The following PTPRD variants were observed in gnomAD, a reference collection of about 807,000 sequenced individuals.
PTPRD encodes receptor-type tyrosine-protein phosphatase delta.
A neutral mutation model predicts 214.5 loss-of-function variants in PTPRD; 34 were observed. The ratio of observed to expected loss-of-function variants is 0.16; its 90% CI spans 0.12 to 0.21. The LOEUF (loss-of-function observed/expected upper bound fraction) is 0.21, where lower values mean the gene tolerates loss of function less well. Ranked by LOEUF, PTPRD falls within the 10% of genes least tolerant of loss-of-function variation. The pLI is 1.00. For synonymous variants in PTPRD, 1,128 were observed against 845.7 expected (o/e 1.33, Z -5.79); for missense variants, 2,545 against 2,398.7 (o/e 1.06, Z -1.27).
intron 3 of PTPRD, among the ~76,000 whole-genome samples, chr9:10,043,517 G>A (rs530301964): frequency 3.3e-5 from 5 of 151,888 alleles, no homozygotes; most frequent in Admixed American, 1.3e-4. Context: ...ATGGGATTCA[G>A]AGGTAAATTT....
chr9:9,095,577 G>A (rs1032696254), intron 10 of PTPRD, among the ~76,000 whole-genome samples: 2 of 152,092 alleles, frequency 1.3e-5, no homozygotes, highest in African/African-American at 4.8e-5. Context: ...TAATCCTCCT[G>A]CCTCAGTCAC....
At chr9:8,720,967 G>A (rs914090895) in intron 12 of PTPRD, among the ~76,000 whole-genome samples, 1 of 151,496 alleles carries the variant, frequency 6.6e-6, no homozygotes, top group Non-Finnish European at 1.5e-5. Context: ...AATCATGAGT[G>A]TGTGTTTTAG....
intron 7 of PTPRD, among the ~76,000 whole-genome samples, chr9:9,629,238 G>GTATATATATATATATATATATATATA (rs113482595): frequency 7.1e-6 from 1 of 140,396 alleles, no homozygotes; most frequent in African/African-American, 2.8e-5. Context: ...GTGTGTGTGT[G>GTATATATATATATATATATATATATA]TATATATATA....
chr9:9,735,708 G>A (rs2098280496), intron 6 of PTPRD, among the ~76,000 whole-genome samples: 1 of 152,046 alleles, frequency 6.6e-6, no homozygotes, highest in African/African-American at 2.4e-5. Context: ...CATATTATTA[G>A]AGACCTTACT....
intron 7 of PTPRD, among the ~76,000 whole-genome samples, chr9:9,705,018 T>C (rs1184955287): frequency 4.6e-5 from 7 of 152,198 alleles, no homozygotes; most frequent in African/African-American, 1.7e-4. Context: ...TTAATGAAGT[T>C]ACATGTTTTT....
intron 10 of PTPRD, among the ~76,000 whole-genome samples, chr9:9,058,479 C>T (rs1295310981): frequency 6.0e-5 from 2 of 33,498 alleles, no homozygotes; most frequent in Non-Finnish European, 1.1e-4. Flanking sequence ...GAGACGGAGT[C>T]TCGCTGTCGC....
intron 2 of PTPRD, among the ~76,000 whole-genome samples, chr9:10,396,820 AG>A (rs1237251904): frequency 6.6e-6 from 1 of 151,978 alleles, no homozygotes; most frequent in Non-Finnish European, 1.5e-5. Flanking sequence ...TTTACACTGC[AG>A]TATAAATTGG....
At chr9:9,654,694 T>C (rs542219943) in intron 7 of PTPRD, among the ~76,000 whole-genome samples, 11 of 152,336 alleles carry the variant, frequency 7.2e-5, no homozygotes, top group African/African-American at 2.2e-4. Flanking sequence ...GATTCTGAGT[T>C]TAGCTAGAAG....
At chr9:10,116,200 T>C (rs982302047) in intron 3 of PTPRD, among the ~76,000 whole-genome samples, 5 of 152,126 alleles carry the variant, frequency 3.3e-5, no homozygotes, top group African/African-American at 9.7e-5. Context: ...AATAACCACA[T>C]CATCATAAAG....
chr9:10,337,533 C>A (rs1000590381), intron 3 of PTPRD, among the ~76,000 whole-genome samples: 9 of 151,642 alleles, frequency 5.9e-5, no homozygotes, highest in African/African-American at 2.2e-4. Flanking sequence ...CTCTAACAAA[C>A]TTTAATACAA....
At chr9:10,024,777 C>CAG (rs2096889359) in intron 4 of PTPRD, among the ~76,000 whole-genome samples, 1 of 103,726 alleles carries the variant, frequency 9.6e-6, no homozygotes, top group Non-Finnish European at 1.9e-5. Flanking sequence ...CTATCCCTCC[C>CAG]CCCTCCCCCC....
chr9:8,702,727 C>T (rs965036162), intron 12 of PTPRD, among the ~76,000 whole-genome samples: 8 of 152,178 alleles, frequency 5.3e-5, no homozygotes, highest in Non-Finnish European at 7.4e-5. Context: ...CCTGCCTCAG[C>T]CTCCCCAGTA....
intron 3 of PTPRD, among the ~76,000 whole-genome samples, chr9:10,067,033 G>T (rs191150165): frequency 1.3e-4 from 19 of 151,888 alleles, no homozygotes; most frequent in Admixed American, 1.2e-3. Context: ...ACAGGAAAAA[G>T]AAACTTGGGC....
chr9:9,594,049 T>G (rs2093035127), intron 7 of PTPRD, among the ~76,000 whole-genome samples: 1 of 152,056 alleles, frequency 6.6e-6, no homozygotes, highest in African/African-American at 2.4e-5. Context: ...AATGAGGCAG[T>G]GATTAAAATT....
At chr9:9,249,832 T>C (rs932797329) in intron 9 of PTPRD, among the ~76,000 whole-genome samples, 1 of 152,082 alleles carries the variant, frequency 6.6e-6, no homozygotes, top group African/African-American at 2.4e-5. Context: ...AACTGGGAGA[T>C]GAAAAGAAAG....
intron 8 of PTPRD, among the ~76,000 whole-genome samples, chr9:9,407,108 T>G (rs1248812538): frequency 6.6e-6 from 1 of 151,820 alleles, no homozygotes; most frequent in East Asian, 1.9e-4. Flanking sequence ...CACCACCATT[T>G]AAGTTCAATC....
chr9:8,528,241 A>T, intron 15 of PTPRD: 1 of 428,332 alleles, frequency 2.3e-6, no homozygotes, highest in Non-Finnish European at 4.1e-6. Flanking sequence ...ATGTTGAAAT[A>T]AATTTGTTTC....
At chr9:8,449,604 T>G (rs1352558932) in intron 34 of PTPRD, 121 bp downstream of exon 34, 1 of 923,072 alleles carries the variant, frequency 1.1e-6, no homozygotes. Flanking sequence ...AATAGTAAAA[T>G]AAAAGAGCAG....
chr9:10,245,979 A>G (rs1376138345), intron 3 of PTPRD, among the ~76,000 whole-genome samples: 2 of 152,232 alleles, frequency 1.3e-5, no homozygotes, highest in Non-Finnish European at 2.9e-5. Flanking sequence ...AGAATTGAAC[A>G]TGAAATAAGT....
Sources: allele counts gnomAD v4.1 joint callset (sites outside exome capture counted in the v4.1 genomes callset), GRCh38; gene constraint gnomAD v4.1.1; transcripts MANE v1.5; gene names NCBI Gene and HGNC (gene_info 2026-07-23, HGNC 2026-07-21).